The following TMEM168 variants were observed in gnomAD, a reference collection of about 807,000 sequenced individuals.
The protein encoded by TMEM168 is transmembrane protein 168.
In TMEM168, 40 loss-of-function variants were observed where a neutral mutation model predicts 53.2. That is an observed-to-expected ratio of 0.75 (90% CI 0.58 to 0.98). TMEM168 has a LOEUF of 0.98. Among genes scored for constraint, TMEM168 ranks in the 50% least tolerant of loss-of-function variants. The probability of loss-of-function intolerance (pLI) is 0.00; values close to 1 mark genes in which losing one functional copy is unlikely to be tolerated. For synonymous variants in TMEM168, 282 were observed against 293.0 expected, an observed-to-expected ratio of 0.96 and a Z score of 0.38; for missense variants, 771 against 828.8, an observed-to-expected ratio of 0.93 and a Z score of 0.86.
chr7:112,784,844 T>A lies in TMEM168; in HGVS notation c.-19A>T. The A allele has an allele frequency of 1.3e-6, 2 of 1,527,862 alleles. No homozygotes were observed. Among genetic ancestry groups the A allele is most frequent in the Non-Finnish European group, 1.7e-6 (2 of 1,145,556 alleles). 94.6% of individuals were successfully genotyped at this position (1,527,862 alleles called of 1,614,324 possible). On this transcript the variant is annotated 5_prime_UTR_variant, in exon 2 of 5. It adds an upstream start codon to the 5' untranslated region. Transcript: ENST00000312814. Reference sequence around the variant, plus strand: ...TACACATGTAACCAGCAATGTGGGCTTTTCCCTCACGTTACAAAAATTAAC... The same window carrying A: ...TACACATGTAACCAGCAATGTGGGCATTTCCCTCACGTTACAAAAATTAAC...
Position 112,766,047 on chromosome 7 carries a change from T to TAATA in TMEM168, c.*1146_*1149dup, listed in dbSNP as rs1387656549. 2.2e-4 allele frequency: 33 copies of TAATA among 152,608 alleles called. No homozygotes were observed. Among genetic ancestry groups the TAATA allele is most frequent in the Non-Finnish European group, 4.1e-4 (28 of 68,018 alleles). 9.5% of individuals were successfully genotyped at this position (152,608 alleles called of 1,614,324 possible). On this transcript the variant is annotated 3_prime_UTR_variant, in exon 5 of 5. Coordinates refer to ENST00000312814, the MANE Select transcript of TMEM168 (RefSeq NM_022484.6). Reference sequence around the variant, plus strand: ...TTCTCATAGATGAAAATTTAGAATGTAATAATTATTGGAAAGGAATAAGAA... The same window carrying TAATA: ...TTCTCATAGATGAAAATTTAGAATGTAATAAATAATTATTGGAAAGGAATAAGAA...
In TMEM168 at chr7:112,784,954, C is replaced by T; in HGVS notation, c.-128-1G>A. 1.4e-6 allele frequency: 1 copy of T among 715,242 alleles called. No homozygotes were observed. Among genetic ancestry groups the T allele is most frequent in the Non-Finnish European group, 2.0e-6 (1 of 493,036 alleles). The allele number at this position is 715,242 out of a possible 1,614,324, so 44.3% of individuals were successfully genotyped here. A position where few individuals can be genotyped will look rare whatever the true frequency, so the allele number is the denominator to read the frequency against. On this transcript the variant is annotated splice_acceptor_variant, in intron 1 of 4. Transcript: ENST00000312814. LOFTEE classifies it low-confidence loss of function (5UTR_SPLICE). ...TTGTGGAAATTTTGTTTATAGTGATCTAAAAAGAAGAAAACAATATTTCAG... is the reference window on the plus strand; with the variant it reads ...TTGTGGAAATTTTGTTTATAGTGATTTAAAAAGAAGAAAACAATATTTCAG...
intron 4 of TMEM168, among the ~76,000 whole-genome samples, chr7:112,771,042 G>A (rs944986978): frequency 1.3e-5 from 2 of 152,158 alleles, no homozygotes; most frequent in East Asian, 1.9e-4. Flanking sequence ...TACACAGAAC[G>A]TTATACTTTA....
chr7:112,772,617 A>G (rs1792956845), intron 4 of TMEM168, among the ~76,000 whole-genome samples, 164 bp downstream of exon 4: 1 of 152,208 alleles, frequency 6.6e-6, no homozygotes, highest in Admixed American at 6.6e-5. Flanking sequence ...TAGAGATTAA[A>G]TTAGGCTAAA....
rs1280692741 is a variant in TMEM168 at position 112,766,587 on chromosome 7, T to G, written c.*610A>C. On this transcript the variant is annotated 3_prime_UTR_variant, in exon 5 of 5. Transcript: ENST00000312814. ...TTAACAATACCTACATAAAGAATAT[T>G]TTGATCTAAAATGTAACTTGGGTTC... The G allele has an allele frequency of 6.5e-6, 1 of 152,698 alleles. No homozygotes were observed. The highest frequency in any genetic ancestry group is 1.5e-5 in the Non-Finnish European group (1 of 68,116). 9.5% of individuals were successfully genotyped at this position (152,698 alleles called of 1,614,324 possible). A position where few individuals can be genotyped will look rare whatever the true frequency, so the allele number is the denominator to read the frequency against.
At chr7:112,788,315 CTA>C (rs1266183999) in intron 1 of TMEM168, 2 of 152,108 alleles carry the variant, frequency 1.3e-5, no homozygotes, top group Non-Finnish European at 2.9e-5. Flanking sequence ...ATATATTAAT[CTA>C]CCTATAGAAA....
At chr7:112,783,493 A>G (rs1273247899) in intron 2 of TMEM168, among the ~76,000 whole-genome samples, 2 of 152,240 alleles carry the variant, frequency 1.3e-5, no homozygotes, top group East Asian at 1.9e-4. Flanking sequence ...CTGAGTGTTC[A>G]TAACATTTTG....
chr7:112,786,757 C>T (rs1410915740), intron 1 of TMEM168, among the ~76,000 whole-genome samples: 1 of 152,162 alleles, frequency 6.6e-6, no homozygotes, highest in Non-Finnish European at 1.5e-5. Flanking sequence ...AATGGTGCCA[C>T]TCTAAATCCA....
intron 3 of TMEM168, among the ~76,000 whole-genome samples, chr7:112,774,585 CTTT>C (rs1158081885): frequency 1.4e-5 from 2 of 143,114 alleles, no homozygotes; most frequent in Non-Finnish European, 1.5e-5. Context: ...TGCTTTTTTC[CTTT>C]TTTTTTTTTG....
rs1037327722 is a variant in TMEM168, at chr7:112,763,083, T to A, written c.*4114A>T. 2.0e-5 allele frequency: 3 copies of A among 152,068 alleles called. No homozygotes were observed. The highest frequency in any genetic ancestry group is 7.2e-5 in the African/African-American group (3 of 41,434). The allele number at this position is 152,068 out of a possible 1,614,324, so 9.4% of individuals were successfully genotyped here. A position where few individuals can be genotyped will look rare whatever the true frequency, so the allele number is the denominator to read the frequency against. On this transcript the variant is annotated 3_prime_UTR_variant, in exon 5 of 5. Coordinates refer to ENST00000312814, the MANE Select transcript of TMEM168 (RefSeq NM_022484.6). Reference sequence around the variant, plus strand: ...CTAGATATAATAGTGAGGAAATGAATGATTCAATCTTAATGATATTAGAGT... The same window carrying A: ...CTAGATATAATAGTGAGGAAATGAAAGATTCAATCTTAATGATATTAGAGT...
At position 112,783,842 on chromosome 7, in the gene TMEM168, T is replaced by G. The variant is rs1177905489; in HGVS notation, c.984A>C (p.Lys328Asn). ...AATCTGTCCTGTGAGTAAAATATAC[T>G]TTATGGCAGTCATTTAATTTGGTAT... ...GFHTKLNDCH[K>N]VYFTHRTDYN... Residue 328 changes from lysine (K) to asparagine (N), a missense_variant, in exon 2 of 5, where the codon AAA becomes AAC. Transcript: ENST00000312814. The G allele has an allele frequency of 7.5e-6, 12 of 1,606,804 alleles. No homozygotes were observed. Among genetic ancestry groups the G allele is most frequent in the Non-Finnish European group, 1.0e-5 (12 of 1,177,660 alleles).
rs1255865455 is a variant in TMEM168 at position 112,762,616 on chromosome 7, T to C, written c.*4581A>G. On this transcript the variant is annotated 3_prime_UTR_variant, in exon 5 of 5. Transcript: ENST00000312814. The stretch of plus-strand genomic sequence containing the variant: ...ATTTTAAGTTCAAACTTATAAAATA[T>C]TATGAGGTCATCATACAAGATGACT... The C allele has an allele frequency of 6.6e-6, 1 of 152,022 alleles. No homozygotes were observed. Among genetic ancestry groups the C allele is most frequent in the East Asian group, 1.9e-4 (1 of 5,198 alleles). The allele number at this position is 152,022 out of a possible 1,614,324, so 9.4% of individuals were successfully genotyped here. A position where few individuals can be genotyped will look rare whatever the true frequency, so the allele number is the denominator to read the frequency against.
chr7:112,777,158 A>G (rs1057394278), intron 2 of TMEM168, among the ~76,000 whole-genome samples: 1 of 152,134 alleles, frequency 6.6e-6, no homozygotes, highest in African/African-American at 2.4e-5. Flanking sequence ...GTTCTTAATT[A>G]TAATATAGTC....
intron 3 of TMEM168, among the ~76,000 whole-genome samples, chr7:112,774,793 C>A (rs1398288410): frequency 2.0e-5 from 3 of 151,958 alleles, no homozygotes; most frequent in Admixed American, 6.6e-5. Context: ...GTTGGCCAGG[C>A]TGGTCTCGAA....
chr7:112,773,174 T>TA (rs993518036), intron 3 of TMEM168, 119 bp from the exon 4 acceptor site: 6 of 1,089,840 alleles, frequency 5.5e-6, no homozygotes, highest in African/African-American at 3.2e-5. Context: ...AGGATTTTTG[T>TA]AAAAAATCAC....
At chr7:112,788,852 A>C (rs1428786880) in intron 1 of TMEM168, among the ~76,000 whole-genome samples, 1 of 152,162 alleles carries the variant, frequency 6.6e-6, no homozygotes, top group Non-Finnish European at 1.5e-5. Flanking sequence ...AATTTTGGCC[A>C]CCATCATGTT....
intron 2 of TMEM168, chr7:112,778,206 A>C (rs1341923816): frequency 6.6e-6 from 1 of 152,162 alleles, no homozygotes; most frequent in Non-Finnish European, 1.5e-5. Context: ...GTAAGCGTAA[A>C]ATGGGAGGTA....
intron 2 of TMEM168, among the ~76,000 whole-genome samples, chr7:112,780,081 T>G (rs1793188355): frequency 6.6e-6 from 1 of 152,218 alleles, no homozygotes; most frequent in South Asian, 2.1e-4. Flanking sequence ...TGTATAATTT[T>G]AAAGTCAAAT....
chr7:112,769,244 G>A (rs546621445), intron 4 of TMEM168, among the ~76,000 whole-genome samples: 2 of 151,988 alleles, frequency 1.3e-5, no homozygotes, highest in East Asian at 3.9e-4. Context: ...TTTATTAATC[G>A]CTCTAACACT....
Sources: allele counts gnomAD v4.1 joint callset (sites outside exome capture counted in the v4.1 genomes callset), GRCh38; gene constraint gnomAD v4.1.1; transcripts MANE v1.5; gene names NCBI Gene and HGNC (gene_info 2026-07-23, HGNC 2026-07-21).